The following MIPOL1 variants were observed in gnomAD, a reference collection of about 807,000 sequenced individuals.
MIPOL1 encodes the protein mirror-image polydactyly 1.
A neutral mutation model predicts 60.9 loss-of-function variants in MIPOL1; 57 were observed. The observed-to-expected ratio is 0.94, with a 90% CI of 0.76 to 1.17. The LOEUF (loss-of-function observed/expected upper bound fraction) is 1.17. MIPOL1 is among the 50% of genes most tolerant of loss of function. MIPOL1 has a pLI of 0.00. For synonymous variants in MIPOL1, 179 were observed against 168.8 expected (o/e 1.06, Z -0.47); for missense variants, 551 against 511.6 (o/e 1.08, Z -0.74).
chr14:37,225,970 G>A (rs183893222), intron 1 of MIPOL1, among the ~76,000 whole-genome samples: 30 of 152,204 alleles, frequency 2.0e-4, no homozygotes, highest in African/African-American at 7.0e-4. Context: ...CTAGGGAGTG[G>A]CAAAATGCCT....
chr14:37,503,034 T>G (rs2095236887), intron 12 of MIPOL1: 1 of 152,066 alleles, frequency 6.6e-6, no homozygotes, highest in South Asian at 2.1e-4. Context: ...TGATTGAAGA[T>G]CAAATTAATG....
At chr14:37,500,265 C>A in intron 12 of MIPOL1, 127 bp downstream of exon 12, 1 of 742,332 alleles carries the variant, frequency 1.3e-6, no homozygotes, top group Non-Finnish European at 2.1e-6. Flanking sequence ...AGAATTAACC[C>A]AGTGAACTTT....
At chr14:37,369,452 C>T (rs2092577238) in intron 9 of MIPOL1, 65 bp from the exon 10 acceptor site, 2 of 1,099,584 alleles carry the variant, frequency 1.8e-6, no homozygotes, top group Non-Finnish European at 2.7e-6. Flanking sequence ...TACATTAATT[C>T]ATGTGGCTTG....
At chr14:37,403,866 C>T (rs1416539315) in intron 10 of MIPOL1, among the ~76,000 whole-genome samples, 1 of 152,110 alleles carries the variant, frequency 6.6e-6, no homozygotes, top group Non-Finnish European at 1.5e-5. Context: ...TGCATTCATC[C>T]AGCTCTAATC....
At chr14:37,474,906 C>A (rs550680363) in intron 11 of MIPOL1, among the ~76,000 whole-genome samples, 2 of 151,980 alleles carry the variant, frequency 1.3e-5, no homozygotes, top group South Asian at 2.1e-4. Context: ...CTTACTTAAC[C>A]ATCTATATAT....
chr14:37,413,184 T>TA (rs1275941879), intron 10 of MIPOL1, among the ~76,000 whole-genome samples: 1 of 152,128 alleles, frequency 6.6e-6, no homozygotes, highest in African/African-American at 2.4e-5. Flanking sequence ...TGTGTGTAGT[T>TA]ACAACTCTCA....
intron 10 of MIPOL1, among the ~76,000 whole-genome samples, chr14:37,394,701 C>T (rs1374858041): frequency 2.0e-5 from 3 of 151,984 alleles, no homozygotes; most frequent in Non-Finnish European, 2.9e-5. Context: ...AGATTTTCTC[C>T]CACTTGGTGT....
intron 11 of MIPOL1, among the ~76,000 whole-genome samples, chr14:37,449,999 G>GTTTT (rs539656239): frequency 1.3e-3 from 194 of 152,224 alleles, no homozygotes; most frequent in African/African-American, 4.3e-3. Context: ...TTTTAGTAGA[G>GTTTT]ACAGGGTTTC....
intron 6 of MIPOL1, among the ~76,000 whole-genome samples, chr14:37,279,894 C>T (rs61988339): frequency 0.31 from 46,459 of 151,926 alleles, 7,302 homozygotes; most frequent in East Asian, 0.46. Flanking sequence ...CCTATTCCTC[C>T]TGTCTAACTG....
chr14:37,525,320 G>A (rs2095440223), intron 12 of MIPOL1, among the ~76,000 whole-genome samples: 1 of 152,154 alleles, frequency 6.6e-6, no homozygotes, highest in East Asian at 1.9e-4. Flanking sequence ...GGGACACTTA[G>A]AAAGGACATC....
chr14:37,403,318 T>A (rs2093523696), intron 10 of MIPOL1, among the ~76,000 whole-genome samples: 1 of 151,276 alleles, frequency 6.6e-6, no homozygotes, highest in Non-Finnish European at 1.5e-5. Context: ...AGATGGATAA[T>A]TTTTTTTTGG....
chr14:37,455,002 AT>A (rs2094461570), intron 11 of MIPOL1, among the ~76,000 whole-genome samples: 1 of 152,026 alleles, frequency 6.6e-6, no homozygotes, highest in Admixed American at 6.6e-5. Context: ...ACTCCTCTGG[AT>A]TTTTTAACCC....
At chr14:37,437,873 T>G (rs2094186584) in intron 11 of MIPOL1, among the ~76,000 whole-genome samples, 1 of 152,222 alleles carries the variant, frequency 6.6e-6, no homozygotes, top group Non-Finnish European at 1.5e-5. Context: ...TGTTGAGTTT[T>G]TATTGTTATC....
At chr14:37,525,003 G>A (rs931187704) in intron 12 of MIPOL1, among the ~76,000 whole-genome samples, 13 of 152,170 alleles carry the variant, frequency 8.5e-5, no homozygotes, top group African/African-American at 2.9e-4. Context: ...AAATATTTTG[G>A]CGAAATAAGA....
At chr14:37,534,643 A>G (rs1045566740) in intron 12 of MIPOL1, among the ~76,000 whole-genome samples, 16 of 152,200 alleles carry the variant, frequency 1.1e-4, no homozygotes, top group African/African-American at 3.4e-4. Flanking sequence ...AATGTTACAT[A>G]TGATTTAAAT....
chr14:37,516,899 A>G (rs563840779), intron 12 of MIPOL1, among the ~76,000 whole-genome samples: 3 of 152,324 alleles, frequency 2.0e-5, no homozygotes, highest in South Asian at 4.1e-4. Flanking sequence ...TTAAAATACA[A>G]GCTCAAATAA....
intron 10 of MIPOL1, among the ~76,000 whole-genome samples, chr14:37,395,768 G>A (rs2093359580): frequency 6.6e-6 from 1 of 152,066 alleles, no homozygotes; most frequent in South Asian, 2.1e-4. Context: ...TTGTCTGATT[G>A]CTCTGGCTAG....
intron 1 of MIPOL1, among the ~76,000 whole-genome samples, chr14:37,200,846 A>C (rs10135530): frequency 7.4e-5 from 9 of 121,038 alleles, no homozygotes; most frequent in Admixed American, 7.0e-4. Context: ...TACTATATCT[A>C]TCTATGTGTG....
rs2095557428 is a variant in MIPOL1 at position 37,549,810 on chromosome 14, A to G, written c.*2839A>G. On this transcript the variant is annotated 3_prime_UTR_variant, in exon 13 of 13. Coordinates refer to ENST00000684589, the MANE Select transcript of MIPOL1 (RefSeq NM_001388067.1). Reference sequence around the variant, plus strand: ...AGTATGCTTTGCCTCAGCCTTCACTAATTAGGAATATTGTGACAATTCATT... The same window carrying G: ...AGTATGCTTTGCCTCAGCCTTCACTGATTAGGAATATTGTGACAATTCATT... 1 of 151,982 alleles carries G rather than the reference A, an allele frequency of 6.6e-6. No homozygotes were observed. The highest frequency in any genetic ancestry group is 6.6e-5 in the Admixed American group (1 of 15,262). 9.4% of individuals were successfully genotyped at this position (151,982 alleles called of 1,614,324 possible). A position where few individuals can be genotyped will look rare whatever the true frequency, so the allele number is the denominator to read the frequency against.
Sources: allele counts gnomAD v4.1 joint callset (sites outside exome capture counted in the v4.1 genomes callset), GRCh38; gene constraint gnomAD v4.1.1; transcripts MANE v1.5; gene names NCBI Gene and HGNC (gene_info 2026-07-23, HGNC 2026-07-21).